CCNT1: variants seen among roughly 807,000 people sequenced by gnomAD.
CCNT1 encodes cyclin-T1.
CCNT1 carries 18 observed loss-of-function variants against 67.3 expected under a neutral mutation model. The observed-to-expected ratio is 0.27, with a 90% confidence interval of 0.18 to 0.40. The LOEUF (loss-of-function observed/expected upper bound fraction) is 0.40, where lower values mean the gene tolerates loss of function less well. CCNT1 is among the 10% of genes least tolerant of loss of function. The pLI, the probability that CCNT1 is intolerant of heterozygous loss-of-function variation, is 1.00. For missense variants in CCNT1, 744 were observed against 884.9 expected (o/e 0.84, Z 2.02); for synonymous variants, 333 against 310.3 (o/e 1.07, Z -0.77).
chr12:48,715,445 G>A (rs796510273), intron 1 of CCNT1, among the ~76,000 whole-genome samples: 11 of 152,002 alleles, frequency 7.2e-5, no homozygotes, highest in African/African-American at 2.7e-4. Context: ...TGTGGGAGAG[G>A]TTACCTCATT....
intron 4 of CCNT1, 37 bp from the exon 5 acceptor site, chr12:48,699,877 G>GA: frequency 6.9e-6 from 9 of 1,310,486 alleles, no homozygotes; most frequent in Non-Finnish European, 9.8e-6. Context: ...AAACTATTAA[G>GA]AAGTTTACAT....
At chr12:48,716,087 T>G (rs2137248850) in intron 1 of CCNT1, among the ~76,000 whole-genome samples, 1 of 152,330 alleles carries the variant, frequency 6.6e-6, no homozygotes, top group African/African-American at 2.4e-5. Flanking sequence ...GTCCACCCTT[T>G]ATAACACTTT....
At chr12:48,696,901 C>T (rs989548865) in intron 6 of CCNT1, among the ~76,000 whole-genome samples, 3 of 152,116 alleles carry the variant, frequency 2.0e-5, no homozygotes, top group Non-Finnish European at 2.9e-5. Context: ...GGGGCAATCT[C>T]GGCTCACAGC....
rs572390129 is a variant in CCNT1 at position 48,688,842 on chromosome 12, A to C, written c.*4191T>G. 6.6e-6 allele frequency: 1 copy of C among 151,834 alleles called. No individual in the cohort carries two copies. The highest frequency in any genetic ancestry group is 2.4e-5 in the African/African-American group (1 of 41,518). The allele number at this position is 151,834 out of a possible 1,614,324, so 9.4% of individuals were successfully genotyped here. ...TTTTCTTTTCGCTCTTTGGTCTGACAAGAAAAGAGTTTTAGGTGTGTGAAG... is the reference window on the plus strand; with the variant it reads ...TTTTCTTTTCGCTCTTTGGTCTGACCAGAAAAGAGTTTTAGGTGTGTGAAG... On this transcript the variant is annotated 3_prime_UTR_variant, in exon 9 of 9. Transcript: ENST00000261900.
At chr12:48,709,549 A>C (rs532087635) in intron 2 of CCNT1, among the ~76,000 whole-genome samples, 1 of 152,356 alleles carries the variant, frequency 6.6e-6, no homozygotes, top group East Asian at 1.9e-4. Context: ...ATCAATAAAA[A>C]GCTGGTTAAA....
At chr12:48,707,208 G>A (rs1156289876) in intron 2 of CCNT1, among the ~76,000 whole-genome samples, 4 of 151,712 alleles carry the variant, frequency 2.6e-5, no homozygotes, top group South Asian at 2.1e-4. Flanking sequence ...TGATCTAGGC[G>A]TAAAGCACAT....
At chr12:48,714,415 T>C in intron 2 of CCNT1, 28 bp downstream of exon 2, 1 of 1,380,172 alleles carries the variant, frequency 7.2e-7, no homozygotes, top group African/African-American at 1.4e-5. Context: ...CACAAAAGGA[T>C]TATATCATAT....
rs888184488 is a variant in CCNT1 at position 48,716,630 on chromosome 12, G to C, written c.46C>G (p.Arg16Gly). 4 of 1,614,198 alleles carry C rather than the reference G, an allele frequency of 2.5e-6. No individual in the cohort carries two copies. In the Admixed American group the frequency reaches 5.0e-5, roughly 20 times the overall value. The change falls in exon 1 of 9, where the codon CGA (arginine) becomes GGA (glycine). Residue 16 changes from arginine (R) to glycine (G), a missense_variant. By Grantham distance (125) the Arg-to-Gly change is moderately radical. Transcript: ENST00000261900. The stretch of plus-strand genomic sequence containing the variant: ...GATGGGCTATTTTCCAGCTGTTCTC[G>C]AGTGAAATACCACCGTTTGTTGTTG... The part of the protein sequence containing the change: ...KNNNKRWYFT[R>G]EQLENSPSRR...
At chr12:48,716,296 A>C (rs960334022) in intron 1 of CCNT1, among the ~76,000 whole-genome samples, 23 of 152,234 alleles carry the variant, frequency 1.5e-4, no homozygotes, top group African/African-American at 5.3e-4. Context: ...AATTCCCAGC[A>C]AGGCTGGCGG....
At chr12:48,695,264 CT>C (rs1357273758) in intron 8 of CCNT1, among the ~76,000 whole-genome samples, 2 of 152,032 alleles carry the variant, frequency 1.3e-5, no homozygotes, top group Admixed American at 6.5e-5. Flanking sequence ...AGTTTTATAT[CT>C]GACAGAAAAA....
At chr12:48,713,958 A>C (rs1940496148) in intron 2 of CCNT1, among the ~76,000 whole-genome samples, 1 of 152,042 alleles carries the variant, frequency 6.6e-6, no homozygotes, top group African/African-American at 2.4e-5. Context: ...GAAGCGACTC[A>C]ATCTTGGCTC....
intron 3 of CCNT1, 134 bp from the exon 4 acceptor site, chr12:48,701,207 G>GAAATACA (rs1940260400): frequency 4.4e-6 from 1 of 225,706 alleles, no homozygotes; most frequent in Non-Finnish European, 9.0e-6. Context: ...GTTAAGAACT[G>GAAATACA]AAATACAATC....
rs1435532161 is a variant in CCNT1, at chr12:48,697,532, A to AT, written c.542+605_542+606insA. Among the ~76,000 whole-genome samples the AT allele has an allele frequency of 5.1e-4, 61 of 119,158 alleles. No individual in the cohort carries two copies. The Middle Eastern group carries it at 0.016, about 31-fold the overall frequency. 78.2% of individuals were successfully genotyped at this position (119,158 alleles called of 152,430 possible). Reference sequence around the variant, plus strand: ...AGTGAGACTCTGTCTTAAAAAAAAAAAAATATATATATATATATATATATA... The same window carrying AT: ...AGTGAGACTCTGTCTTAAAAAAAAAATAAATATATATATATATATATATATA... On this transcript the variant is annotated intron_variant, in intron 6 of 8. Coordinates refer to ENST00000261900, the MANE Select transcript of CCNT1 (RefSeq NM_001240.4).
rs1176336621 is a variant in CCNT1, at chr12:48,690,823, A to AT, written c.*2209dup. Reference sequence around the variant, plus strand: ...TGCATGTGATTAGAAAATATGTGACATTTGATGAGAGTAACTAAAAGCTGG... The same window carrying AT: ...TGCATGTGATTAGAAAATATGTGACATTTTGATGAGAGTAACTAAAAGCTGG... On this transcript the variant is annotated 3_prime_UTR_variant, in exon 9 of 9. Transcript: ENST00000261900. The AT allele has an allele frequency of 1.2e-4, 19 of 152,240 alleles. No homozygotes were observed. Among genetic ancestry groups the AT allele is most frequent in the Non-Finnish European group, 1.5e-5 (1 of 68,040 alleles). 9.4% of individuals were successfully genotyped at this position (152,240 alleles called of 1,614,324 possible).
Position 48,712,579 on chromosome 12 carries a change from TAAAAAAAAAAAAAAATA to T in CCNT1, c.243+1847_243+1863del, listed in dbSNP as rs1565621834. On this transcript the variant is annotated intron_variant, in intron 2 of 8. Coordinates refer to ENST00000261900, the MANE Select transcript of CCNT1 (RefSeq NM_001240.4). Reference sequence around the variant, plus strand: ...GTGCCCAGCAGGATAATCTTTTCCTTAAAAAAAAAAAAAAATAAAAAAAAAAAAAAAAAAAAAAAGCA... The same window carrying T: ...GTGCCCAGCAGGATAATCTTTTCCTTAAAAAAAAAAAAAAAAAAAAAAGCA... 2.1e-3 allele frequency among the ~76,000 whole-genome samples: 70 copies of T among 32,920 alleles called. 1 individual carries two copies. In the South Asian group the frequency reaches 0.04, roughly 19 times the overall value. The allele number at this position is 32,920 out of a possible 152,430, so 21.6% of individuals were successfully genotyped here. A position where few individuals can be genotyped will look rare whatever the true frequency, so the allele number is the denominator to read the frequency against.
rs376233935 is a variant in CCNT1 at position 48,714,420 on chromosome 12, T to A, written c.243+23A>T. 19 of 1,433,902 alleles carry A rather than the reference T, an allele frequency of 1.3e-5. No homozygotes were observed. The South Asian group carries it at 2.0e-4, about 15-fold the overall frequency. 88.8% of individuals were successfully genotyped at this position (1,433,902 alleles called of 1,614,324 possible). A position where few individuals can be genotyped will look rare whatever the true frequency, so the allele number is the denominator to read the frequency against. ...TGGAATCAATCACAAAAGGATTATA[T>A]CATATAAAAAAATTATACTTACATT... On this transcript the variant is annotated intron_variant, in intron 2 of 8. Coordinates refer to ENST00000261900, the MANE Select transcript of CCNT1 (RefSeq NM_001240.4).
At chr12:48,712,168 T>A (rs1940461640) in intron 2 of CCNT1, among the ~76,000 whole-genome samples, 1 of 152,274 alleles carries the variant, frequency 6.6e-6, no homozygotes, top group South Asian at 2.1e-4. Flanking sequence ...GCCAGTTTCT[T>A]ACATTTCAGG....
rs191148777 is a variant in CCNT1, at chr12:48,692,034, A to T, written c.*999T>A. The stretch of plus-strand genomic sequence containing the variant: ...CCCAAAGCCTCACTTGAAAAAAAAG[A>T]CACACCCAATTCTGTAGGGCAGAAG... On this transcript the variant is annotated 3_prime_UTR_variant, in exon 9 of 9. Transcript: ENST00000261900. 3 of 152,184 alleles carry T rather than the reference A, an allele frequency of 2.0e-5. No individual in the cohort carries two copies. The East Asian group carries it at 5.8e-4, about 29-fold the overall frequency. The allele number at this position is 152,184 out of a possible 1,614,324, so 9.4% of individuals were successfully genotyped here.
At chr12:48,708,594 G>GA (rs997023731) in intron 2 of CCNT1, among the ~76,000 whole-genome samples, 7 of 151,776 alleles carry the variant, frequency 4.6e-5, no homozygotes, top group African/African-American at 1.4e-4. Flanking sequence ...AGAAATAAAG[G>GA]AAAAAAGAAA....
Sources: gnomAD v4.1 joint callset for allele counts (sites outside exome capture counted in the v4.1 genomes callset) on GRCh38, gnomAD v4.1.1 for gene constraint, MANE v1.5 for transcripts, NCBI Gene and HGNC (gene_info 2026-07-23, HGNC 2026-07-21) for gene names.